Variants in TRPM2 observed in about 807,000 individuals in gnomAD.
The protein encoded by TRPM2 is estrogen-responsive element-associated gene 1 protein.
TRPM2 carries 161 observed loss-of-function variants against 174.0 expected under a neutral mutation model. The ratio of observed to expected loss-of-function variants is 0.93; its 90% CI spans 0.81 to 1.05. TRPM2 has a LOEUF of 1.05. Ranked by LOEUF, TRPM2 falls within the 50% of genes least tolerant of loss-of-function variation. The pLI is 0.00. For missense variants in TRPM2, 2,057 were observed against 2,038.0 expected, an observed-to-expected ratio of 1.01 and a Z score of -0.18; for synonymous variants, 954 against 861.3, an observed-to-expected ratio of 1.11 and a Z score of -1.88.
intron 18 of TRPM2, 102 bp from the exon 19 acceptor site, chr21:44,406,492 C>A: frequency 2.2e-6 from 3 of 1,373,524 alleles, no homozygotes; most frequent in Non-Finnish European, 2.9e-6. Context: ...CGTGTCTGTG[C>A]TGTGAGTGGC....
intron 16 of TRPM2, among the ~76,000 whole-genome samples, chr21:44,403,891 CATAT>C (rs2049740094): frequency 6.6e-6 from 1 of 150,884 alleles, no homozygotes; most frequent in Non-Finnish European, 1.5e-5. Flanking sequence ...CATGCACATA[CATAT>C]ACAGCACACA....
rs45589233 is a variant in TRPM2, at chr21:44,435,196, C to G, written c.4040C>G (p.Thr1347Arg). 6.8e-6 allele frequency: 11 copies of G among 1,613,172 alleles called. No homozygotes were observed. The highest frequency in any genetic ancestry group is 8.5e-6 in the Non-Finnish European group (10 of 1,179,532). ...CTCAGCTGCTTCGGACCCAACCACACGCTGTACCCCATGGTCACGCGGTGA... is the reference window on the plus strand; with the variant it reads ...CTCAGCTGCTTCGGACCCAACCACAGGCTGTACCCCATGGTCACGCGGTGA... ...GSLSCFGPNH[T>R]LYPMVTRWRR... The change falls in exon 28 of 32, where the codon ACG (threonine) becomes AGG (arginine). Residue 1347 changes from threonine (T) to arginine (R), a missense_variant. By Grantham distance (71) the Thr-to-Arg change is moderately conservative. Coordinates refer to ENST00000397928, the MANE Select transcript of TRPM2 (RefSeq NM_003307.4).
intron 27 of TRPM2, among the ~76,000 whole-genome samples, chr21:44,429,158 G>A (rs1392352310): frequency 1.3e-5 from 2 of 150,678 alleles, no homozygotes; most frequent in Non-Finnish European, 2.9e-5. Context: ...TCTTCTCTTT[G>A]TCCTTCCCTA....
Position 44,425,759 on chromosome 21 carries a change from C to T in TRPM2, c.3727C>T (p.Arg1243Trp), listed in dbSNP as rs777199068. 44 of 1,595,384 alleles carry T rather than the reference C, an allele frequency of 2.8e-5. 2 individuals are homozygous for T. In the Middle Eastern group the frequency reaches 1.5e-3, roughly 54 times the overall value. ...EPGDSYHVNA[R>W]HLLYPNCPVT... ...GGGCGACAGCTACCACGTGAATGCC[C>T]GGCACCTCCTCTACCCCAACTGCCC... The change falls in exon 25 of 32, where the codon CGG (arginine) becomes TGG (tryptophan). Residue 1243 changes from arginine to tryptophan, a missense_variant. Arg to Trp is a moderately radical substitution (Grantham distance 101). Coordinates refer to ENST00000397928, the MANE Select transcript of TRPM2 (RefSeq NM_003307.4).
chr21:44,422,265 C>T (rs1318878926), intron 22 of TRPM2: 1 of 1,535,522 alleles, frequency 6.5e-7, no homozygotes, highest in Admixed American at 2.0e-5. Flanking sequence ...GCTCCTCGCC[C>T]ACAGGGCAGG....
Position 44,382,835 on chromosome 21 carries a change from A to G in TRPM2, c.1318+15A>G. The G allele has an allele frequency of 6.2e-7, 1 of 1,608,030 alleles. No individual in the cohort carries two copies. Among genetic ancestry groups the G allele is most frequent in the Non-Finnish European group, 8.5e-7 (1 of 1,177,140 alleles). Reference sequence around the variant, plus strand: ...CTTGCTGAAAGGTGAGGGTCAGGGAACATGGGGGCAATGGGGTGGAGGCCA... The same window carrying G: ...CTTGCTGAAAGGTGAGGGTCAGGGAGCATGGGGGCAATGGGGTGGAGGCCA... On this transcript the variant is annotated intron_variant, in intron 9 of 31. Coordinates refer to ENST00000397928, the MANE Select transcript of TRPM2 (RefSeq NM_003307.4).
chr21:44,405,254 C>A lies in TRPM2; in HGVS notation c.2651C>A (p.Thr884Asn), dbSNP rs1231250680. Residue 884 changes from threonine (T) to asparagine (N), a missense_variant, in exon 17 of 32, where the codon ACC (threonine) becomes AAC (asparagine). Transcript: ENST00000397928. The stretch of plus-strand genomic sequence containing the variant: ...ATCTTGCTCTTCGTGGCAGGGCTGA[C>A]CTGCAGGTGAGTGGCCTCACCCCGA... ...GAILLFVAGL[T>N]CRLIPATLYP... 6.2e-7 allele frequency: 1 copy of A among 1,612,844 alleles called. No homozygotes were observed. The highest frequency in any genetic ancestry group is 1.1e-5 in the South Asian group (1 of 91,084).
rs368052567 is a variant in TRPM2, at chr21:44,426,636, G to C, written c.3796-24G>C. ...TTTGCAGTGGGGGTAAAAATCTGAG[G>C]GAAAACTCCCTGTTTTGCGACAGAC... is the stretch of plus-strand genomic sequence containing the variant. On this transcript the variant is annotated intron_variant, in intron 25 of 31. Transcript: ENST00000397928. The C allele has an allele frequency of 3.6e-5, 58 of 1,613,624 alleles. No individual in the cohort carries two copies. The African/African-American group carries it at 6.7e-4, about 19-fold the overall frequency.
intron 11 of TRPM2, among the ~76,000 whole-genome samples, chr21:44,392,173 G>A (rs1041802457): frequency 6.6e-6 from 1 of 151,654 alleles, no homozygotes; most frequent in East Asian, 1.9e-4. Flanking sequence ...ATTTTGGACA[G>A]GTTGGTCTCA....
In TRPM2 at chr21:44,406,890, C is replaced by T. The variant is rs556972638; in HGVS notation, c.2962+125C>T. 3.3e-4 allele frequency: 423 copies of T among 1,265,634 alleles called. 3 individuals are homozygous for T. In the South Asian group the frequency reaches 4.6e-3, roughly 14 times the overall value. 78.4% of individuals were successfully genotyped at this position (1,265,634 alleles called of 1,614,324 possible). On this transcript the variant is annotated intron_variant, in intron 19 of 31. Transcript: ENST00000397928. ...GGGGGTCCTGCGGTTCCCACCTGGCCGGTGTCCTCCCTGGGGGCATTCATT... is the reference window on the plus strand; with the variant it reads ...GGGGGTCCTGCGGTTCCCACCTGGCTGGTGTCCTCCCTGGGGGCATTCATT...
At chr21:44,401,197 G>A (rs370093980) in intron 15 of TRPM2, among the ~76,000 whole-genome samples, 7 of 152,166 alleles carry the variant, frequency 4.6e-5, no homozygotes, top group East Asian at 1.9e-4. Context: ...CCAGCGGCCC[G>A]GGGATAGGGA....
rs1459111727 is a variant in TRPM2 at position 44,382,002 on chromosome 21, TA to T, written c.1216-715del. Among the ~76,000 whole-genome samples, 126 of 146,882 alleles carry T rather than the reference TA, an allele frequency of 8.6e-4. 2 individuals carry two copies. The highest frequency in any genetic ancestry group is 9.7e-4 in the Non-Finnish European group (64 of 66,032). ...GATAGATAGATAGATAGATGGATGA[TA>T]GATAGATAGTGGGTGGGAGGTAGAT... On this transcript the variant is annotated intron_variant, in intron 8 of 31. Transcript: ENST00000397928.
upstream of TRPM2, among the ~76,000 whole-genome samples, chr21:44,351,519 C>T (rs988412364): frequency 1.3e-5 from 2 of 152,232 alleles, no homozygotes; most frequent in Non-Finnish European, 2.9e-5. Context: ...ACACCTGTGC[C>T]AGTTGCTTGT....
intron 21 of TRPM2, 50 bp from the exon 22 acceptor site, chr21:44,418,373 C>T (rs746337804): frequency 2.5e-6 from 4 of 1,599,030 alleles, no homozygotes; most frequent in Non-Finnish European, 2.6e-6. Flanking sequence ...GCTTCAGGGC[C>T]CACCTCCTGA....
chr21:44,440,950 C>G, intron 31 of TRPM2, 45 bp downstream of exon 31: 2 of 1,554,816 alleles, frequency 1.3e-6, no homozygotes, highest in Non-Finnish European at 1.8e-6. Context: ...GAGGCAGGGA[C>G]GGGTATGGGC....
At chr21:44,378,780 G>T (rs1271133109) in intron 7 of TRPM2, among the ~76,000 whole-genome samples, 1 of 152,230 alleles carries the variant, frequency 6.6e-6, no homozygotes, top group Non-Finnish European at 1.5e-5. Flanking sequence ...TGGAGCTGAG[G>T]CCTGAGAGGT....
chr21:44,403,705 G>T (rs1450355903), intron 16 of TRPM2, among the ~76,000 whole-genome samples: 1 of 144,112 alleles, frequency 6.9e-6, no homozygotes, highest in Non-Finnish European at 1.5e-5. Flanking sequence ...ATATACACAT[G>T]CATACACACA....
chr21:44,406,590 G>C lies in TRPM2; in HGVS notation c.2791-4G>C, dbSNP rs371896391. On this transcript the variant is annotated splice_region_variant and splice_polypyrimidine_tract_variant and intron_variant, in intron 18 of 31. Transcript: ENST00000397928. ...GTGTAGCCCACACACTCTCTGTCCT[G>C]CAGATGAAGGACGTCTTCTTCTTCC... The C allele has an allele frequency of 2.0e-4, 326 of 1,607,368 alleles. 1 individual carries two copies. Among genetic ancestry groups the C allele is most frequent in the South Asian group, 1.4e-3 (129 of 90,860 alleles).
At chr21:44,356,964 C>T (rs1020422087) in intron 2 of TRPM2, among the ~76,000 whole-genome samples, 3 of 152,100 alleles carry the variant, frequency 2.0e-5, no homozygotes, top group South Asian at 2.1e-4. Flanking sequence ...TAATGGGCAG[C>T]GAGGATAACC....
Sources: gnomAD v4.1 joint callset for allele counts (sites outside exome capture counted in the v4.1 genomes callset) on GRCh38, gnomAD v4.1.1 for gene constraint, MANE v1.5 for transcripts, NCBI Gene and HGNC (gene_info 2026-07-23, HGNC 2026-07-21) for gene names.